Variants in GLIS3 observed in about 807,000 individuals in gnomAD.
GLIS3 encodes the protein GLIS family zinc finger 3, also known as zinc finger protein GLIS3.
In GLIS3, 53 loss-of-function variants were observed where a neutral mutation model predicts 78.6. That is an observed-to-expected ratio of 0.67 (90% CI 0.54 to 0.85). The LOEUF (loss-of-function observed/expected upper bound fraction) is 0.85, where lower values mean the gene tolerates loss of function less well. GLIS3 is among the 40% of genes least tolerant of loss of function. The pLI is 0.00. For missense variants in GLIS3, 1,703 were observed against 1,231.1 expected, an observed-to-expected ratio of 1.38 and a Z score of -5.74; for synonymous variants, 684 against 509.9, an observed-to-expected ratio of 1.34 and a Z score of -4.60.
At chr9:4,461,184 C>G in the GLIS3 span, among the ~76,000 whole-genome samples, 1 of 152,172 alleles carries the variant, frequency 6.6e-6, no homozygotes, top group African/African-American at 2.4e-5. Flanking sequence ...TTTGAAACCT[C>G]AGGCACAAAT....
At chr9:4,378,269 C>T in the GLIS3 span, among the ~76,000 whole-genome samples, 2 of 152,010 alleles carry the variant, frequency 1.3e-5, no homozygotes, top group African/African-American at 4.8e-5. Context: ...TTACATAATG[C>T]CAGTTACATT....
intron 4 of GLIS3, among the ~76,000 whole-genome samples, chr9:3,987,217 G>A (rs1004104195): frequency 3.3e-5 from 5 of 152,074 alleles, no homozygotes. Flanking sequence ...CAGTAGAGGT[G>A]AGAGAGGACA....
At chr9:4,385,629 C>T in the GLIS3 span, among the ~76,000 whole-genome samples, 1 of 137,016 alleles carries the variant, frequency 7.3e-6, no homozygotes, top group African/African-American at 2.8e-5. Flanking sequence ...CACGCTATTG[C>T]ACTCCAGCCT....
At chr9:4,337,253 T>G (rs1817768212) in intron 2 of GLIS3, among the ~76,000 whole-genome samples, 1 of 152,220 alleles carries the variant, frequency 6.6e-6, no homozygotes, top group Non-Finnish European at 1.5e-5. Context: ...AAAAATACTT[T>G]ATCTACAAAG....
the GLIS3 span, among the ~76,000 whole-genome samples, chr9:4,407,912 T>A: frequency 1.3e-5 from 2 of 151,386 alleles, no homozygotes; most frequent in Non-Finnish European, 2.9e-5. Flanking sequence ...CAAACAACTC[T>A]AAGAGGAAAA....
intron 4 of GLIS3, among the ~76,000 whole-genome samples, chr9:4,101,458 A>T (rs961501081): frequency 1.3e-5 from 2 of 152,192 alleles, no homozygotes; most frequent in African/African-American, 4.8e-5. Flanking sequence ...AAACCATATA[A>T]AGCTGTTATC....
chr9:3,945,769 T>C (rs1443401121), intron 4 of GLIS3, among the ~76,000 whole-genome samples: 2 of 151,990 alleles, frequency 1.3e-5, no homozygotes, highest in African/African-American at 4.8e-5. Flanking sequence ...AGAAGTCAGA[T>C]AGGGAAAGAT....
At chr9:3,999,215 G>C (rs150373929) in intron 4 of GLIS3, among the ~76,000 whole-genome samples, 3 of 152,106 alleles carry the variant, frequency 2.0e-5, no homozygotes, top group African/African-American at 7.2e-5. Context: ...ATATGTTGCT[G>C]TTACAAAGAC....
chr9:4,225,359 G>C (rs910127994), intron 2 of GLIS3, among the ~76,000 whole-genome samples: 1 of 152,108 alleles, frequency 6.6e-6, no homozygotes, highest in Non-Finnish European at 1.5e-5. Flanking sequence ...TTTGGTAATG[G>C]AACCTCTGCA....
chr9:4,448,295 C>G, the GLIS3 span, among the ~76,000 whole-genome samples: 1 of 152,160 alleles, frequency 6.6e-6, no homozygotes, highest in East Asian at 1.9e-4. Flanking sequence ...AACCTAGAGG[C>G]AAATCTATTC....
At chr9:3,957,762 C>G (rs1817240118) in intron 4 of GLIS3, among the ~76,000 whole-genome samples, 2 of 152,146 alleles carry the variant, frequency 1.3e-5, no homozygotes, top group Non-Finnish European at 2.9e-5. Context: ...AAGGAAAGGG[C>G]TCTTTCATGT....
the GLIS3 span, among the ~76,000 whole-genome samples, chr9:4,482,380 A>G: frequency 6.6e-6 from 1 of 152,164 alleles, no homozygotes; most frequent in Non-Finnish European, 1.5e-5. Context: ...TTTCTTCTTC[A>G]ATTTATAGTT....
At chr9:4,009,818 T>A (rs1050798068) in intron 4 of GLIS3, among the ~76,000 whole-genome samples, 1 of 152,154 alleles carries the variant, frequency 6.6e-6, no homozygotes, top group Non-Finnish European at 1.5e-5. Flanking sequence ...TCACTGCACA[T>A]GCAGAAGTGG....
chr9:4,448,970 G>C, the GLIS3 span, among the ~76,000 whole-genome samples: 2 of 152,192 alleles, frequency 1.3e-5, no homozygotes, highest in Non-Finnish European at 2.9e-5. Context: ...GGACTGTTTG[G>C]ACAGTGGGTG....
At chr9:3,837,140 G>A (rs184483343) in intron 9 of GLIS3, among the ~76,000 whole-genome samples, 10 of 152,246 alleles carry the variant, frequency 6.6e-5, no homozygotes, top group South Asian at 2.1e-4. Flanking sequence ...ACTGACCTAC[G>A]ACAGGTCTGA....
At chr9:3,878,580 T>C (rs1821485635) in intron 8 of GLIS3, 1 of 152,126 alleles carries the variant, frequency 6.6e-6, no homozygotes, top group African/African-American at 2.4e-5. Context: ...TTCAACCCAT[T>C]ATTTTGTTCA....
intron 2 of GLIS3, among the ~76,000 whole-genome samples, chr9:4,162,494 T>C (rs895540768): frequency 1.2e-4 from 18 of 152,166 alleles, no homozygotes; most frequent in African/African-American, 4.3e-4. Context: ...GGTGATATAA[T>C]TCAATGAATA....
upstream of GLIS3, among the ~76,000 whole-genome samples, chr9:4,302,946 G>C (rs181832686): frequency 2.2e-3 from 332 of 152,220 alleles, no homozygotes; most frequent in African/African-American, 7.7e-3. Flanking sequence ...TTCAAGTATA[G>C]GAATCAGCAT....
intron 2 of GLIS3, among the ~76,000 whole-genome samples, chr9:4,250,093 A>G (rs10758585): frequency 0.97 from 147,895 of 152,240 alleles, 71,970 homozygotes; most frequent in Middle Eastern, 1. Context: ...TTTTTGTTGT[A>G]TCTCTGCCAG....
Sources: allele counts gnomAD v4.1 joint callset (sites outside exome capture counted in the v4.1 genomes callset), GRCh38; gene constraint gnomAD v4.1.1; transcripts MANE v1.5; gene names NCBI Gene and HGNC (gene_info 2026-07-23, HGNC 2026-07-21).